NOS3: variants seen among roughly 807,000 people sequenced by gnomAD.
NOS3 encodes nitric oxide synthase 3.
Under a neutral mutation model 144.9 loss-of-function variants are expected in NOS3, and 98 were observed. The observed-to-expected ratio is 0.68, with a 90% CI of 0.57 to 0.80. The LOEUF (loss-of-function observed/expected upper bound fraction) is 0.80, where lower values mean the gene tolerates loss of function less well. Ranked by LOEUF, NOS3 falls within the 30% of genes least tolerant of loss-of-function variation. NOS3 has a pLI of 0.00. For synonymous variants in NOS3, 714 were observed against 702.4 expected (o/e 1.02, Z -0.26); for missense variants, 1,465 against 1,656.4 (o/e 0.88, Z 2.01).
Position 151,009,020 on chromosome 7 carries a change from TA to T in NOS3, c.2204del (p.Tyr735SerfsTer3). ...CAAACGGAGCTGGAAGCGCCAGAGG[TA>T]CCGGCTGAGCGCCCAGGCCGAGGGC... is the stretch of plus-strand genomic sequence containing the variant. The part of the protein sequence containing the change: ...SPKRSWKRQR[Y>X]RLSAQAEGLQ... On this transcript the variant is annotated frameshift_variant, in exon 18 of 27. Coordinates refer to ENST00000297494, the MANE Select transcript of NOS3 (RefSeq NM_000603.5). LOFTEE classifies it high-confidence loss of function. 4 of 1,612,006 alleles carry T rather than the reference TA, an allele frequency of 2.5e-6. No homozygotes were observed. Among genetic ancestry groups the T allele is most frequent in the Non-Finnish European group, 3.4e-6 (4 of 1,179,466 alleles).
chr7:151,003,520 A>T lies in NOS3; in HGVS notation c.1752+1216A>T, dbSNP rs987150409. The T allele has an allele frequency of 7.9e-7, 1 of 1,262,996 alleles. No individual in the cohort carries two copies. Among genetic ancestry groups the T allele is most frequent in the Admixed American group, 2.6e-5 (1 of 38,134 alleles). The allele number at this position is 1,262,996 out of a possible 1,614,324, so 78.2% of individuals were successfully genotyped here. A position where few individuals can be genotyped will look rare whatever the true frequency, so the allele number is the denominator to read the frequency against. On this transcript the variant is annotated intron_variant, in intron 14 of 26. Coordinates refer to ENST00000297494, the MANE Select transcript of NOS3 (RefSeq NM_000603.5). The surrounding 1 kb of genome is among the most constrained non-coding windows in gnomAD (Gnocchi z 4.1). ...ATTCTGACCTACCTTTTCAAGAAAA[A>T]TAGCACCAGCAATTGACTTTTTTTT...
chr7:151,001,098 G>A lies in NOS3; in HGVS notation c.1234-133G>A, dbSNP rs971563426. The A allele has an allele frequency of 3.6e-6, 3 of 837,920 alleles. No homozygotes were observed. In the African/African-American group the frequency reaches 5.0e-5, roughly 14 times the overall value. The allele number at this position is 837,920 out of a possible 1,614,324, so 51.9% of individuals were successfully genotyped here. On this transcript the variant is annotated intron_variant, in intron 10 of 26. Coordinates refer to ENST00000297494, the MANE Select transcript of NOS3 (RefSeq NM_000603.5). ...TGGGGTGAGGGTGACATTGTGGTTT[G>A]AGGGGACACAGGGTGTGTTAGATAT...
Position 151,002,738 on chromosome 7 carries a change from C to T in NOS3, c.1752+434C>T. 1 of 205,490 alleles carries T rather than the reference C, an allele frequency of 4.9e-6. No homozygotes were observed. Among genetic ancestry groups the T allele is most frequent in the Non-Finnish European group, 1.0e-5 (1 of 99,900 alleles). The allele number at this position is 205,490 out of a possible 1,614,324, so 12.7% of individuals were successfully genotyped here. On this transcript the variant is annotated intron_variant, in intron 14 of 26. Transcript: ENST00000297494. The surrounding 1 kb of genome is among the most constrained non-coding windows in gnomAD (Gnocchi z 4.1). ...GTTTCTTAATGGGATACTGGTTACA[C>T]AGGTGTGTTCAGTTTGTAAAAATCC...
chr7:151,011,820 GGA>G (rs1163803689), intron 23 of NOS3: 2 of 442,648 alleles, frequency 4.5e-6, no homozygotes, highest in African/African-American at 4.1e-5. Context: ...CACCGCGCCC[GGA>G]CCGAGGGTGA....
chr7:150,996,569 C>A lies in NOS3; in HGVS notation c.419+17C>A. The A allele has an allele frequency of 6.3e-7, 1 of 1,580,726 alleles. No homozygotes were observed. Among genetic ancestry groups the A allele is most frequent in the Non-Finnish European group, 8.6e-7 (1 of 1,162,906 alleles). Reference sequence around the variant, plus strand: ...CATTAAGAGGTGACAGCTTCCCGGACGCCACAGCCTCCCTTGTCCCACTGA... The same window carrying A: ...CATTAAGAGGTGACAGCTTCCCGGAAGCCACAGCCTCCCTTGTCCCACTGA... On this transcript the variant is annotated intron_variant, in intron 4 of 26. Coordinates refer to ENST00000297494, the MANE Select transcript of NOS3 (RefSeq NM_000603.5).
chr7:151,008,706 C>T (rs1356639866), intron 17 of NOS3, among the ~76,000 whole-genome samples: 2 of 152,188 alleles, frequency 1.3e-5, no homozygotes, highest in Non-Finnish European at 2.9e-5. Context: ...AGATAAGGAA[C>T]GATGCACCAA....
At position 151,013,791 on chromosome 7, in the gene NOS3, G is replaced by A. The variant is rs1414087067; in HGVS notation, c.3323G>A (p.Arg1108Gln). The change falls in exon 26 of 27, where the codon CGG becomes CAG. Residue 1108 changes from arginine (R) to glutamine (Q), a missense_variant. Physicochemically the swap from Arg to Gln is conservative, Grantham distance 43. Coordinates refer to ENST00000297494, the MANE Select transcript of NOS3 (RefSeq NM_000603.5). Reference protein sequence around the residue: ...AEVHRVLCLERGHMFVCGDVT... With the variant: ...AEVHRVLCLEQGHMFVCGDVT... Reference sequence around the variant, plus strand: ...GTGCACCGCGTGCTGTGCCTCGAGCGGGGCCACATGTTTGTCTGCGGCGAT... The same window carrying A: ...GTGCACCGCGTGCTGTGCCTCGAGCAGGGCCACATGTTTGTCTGCGGCGAT... 6.2e-7 allele frequency: 1 copy of A among 1,611,162 alleles called. No homozygotes were observed. Among genetic ancestry groups the A allele is most frequent in the Non-Finnish European group, 8.5e-7 (1 of 1,179,218 alleles).
chr7:151,006,029 ATAC>A (rs1461482731), intron 14 of NOS3, among the ~76,000 whole-genome samples: 1 of 152,238 alleles, frequency 6.6e-6, no homozygotes, highest in Non-Finnish European at 1.5e-5. Context: ...TCTAAAAACA[ATAC>A]TACTACTTAC....
intron 2 of NOS3, among the ~76,000 whole-genome samples, chr7:150,994,530 C>T (rs1437064734): frequency 2.6e-5 from 4 of 152,248 alleles, no homozygotes; most frequent in South Asian, 2.1e-4. Flanking sequence ...GGCTGTCACC[C>T]GAAAACTGGA....
chr7:151,009,385 T>TC lies in NOS3; in HGVS notation c.2325-9dup, dbSNP rs527595098. 670 of 893,688 alleles carry TC rather than the reference T, an allele frequency of 7.5e-4. 3 individuals are homozygous for TC. The African/African-American group carries it at 0.017, about 23-fold the overall frequency. 55.4% of individuals were successfully genotyped at this position (893,688 alleles called of 1,614,324 possible). On this transcript the variant is annotated splice_polypyrimidine_tract_variant and intron_variant, in intron 19 of 26. Coordinates refer to ENST00000297494, the MANE Select transcript of NOS3 (RefSeq NM_000603.5). ...CTCTGACTCCCCATAAGTGCCCCTC[T>TC]CCCCACCCCCAGGAGGGCCACCATC... is the stretch of plus-strand genomic sequence containing the variant.
chr7:151,010,477 T>G, intron 21 of NOS3, 120 bp from the exon 22 acceptor site: 1 of 1,167,668 alleles, frequency 8.6e-7, no homozygotes, highest in Non-Finnish European at 1.2e-6. Flanking sequence ...TAGAGAAAAC[T>G]CTATTGGCCT....
chr7:150,992,659 A>G (rs986966563), intron 1 of NOS3, among the ~76,000 whole-genome samples: 1 of 143,922 alleles, frequency 6.9e-6, no homozygotes, highest in African/African-American at 2.6e-5. Context: ...ACTGCTTTTC[A>G]GAGGAGTCTG....
In NOS3 at chr7:151,010,630, C is replaced by T. The variant is rs150546625; in HGVS notation, c.2719C>T (p.Arg907Cys). 1.2e-5 allele frequency: 20 copies of T among 1,602,008 alleles called. No individual in the cohort carries two copies. The highest frequency in any genetic ancestry group is 6.8e-5 in the East Asian group (3 of 44,252). The change falls in exon 22 of 27, where the codon CGC (arginine) becomes TGC (cysteine). Residue 907 changes from arginine to cysteine, a missense_variant. Arg to Cys is a radical substitution (Grantham distance 180, BLOSUM62 -3). This residue lies in a region of NOS3 where 745 missense variants were observed against 853.9 expected (regional missense o/e 0.87). Transcript: ENST00000297494. ...ACGCTACGAGGAGTGGAAGTGGTTC[C>T]GCTGCCCCACGCTGCTGGAGGTGCT... ...PRRYEEWKWF[R>C]CPTLLEVLEQ...
intron 9 of NOS3, among the ~76,000 whole-genome samples, chr7:150,999,732 A>T (rs1250261181): frequency 2.9e-5 from 3 of 103,976 alleles, no homozygotes; most frequent in Admixed American, 1.1e-4. Flanking sequence ...TGACTGTGAG[A>T]CTGTGGGTTT....
intron 15 of NOS3, 81 bp downstream of exon 15, chr7:151,006,575 T>G: frequency 8.2e-7 from 1 of 1,215,266 alleles, no homozygotes; most frequent in Non-Finnish European, 1.2e-6. Flanking sequence ...TGAAAAGCTC[T>G]CCCTCTGTGC....
At chr7:150,992,522 C>A (rs987994658) in intron 1 of NOS3, among the ~76,000 whole-genome samples, 1 of 152,148 alleles carries the variant, frequency 6.6e-6, no homozygotes, top group African/African-American at 2.4e-5. Flanking sequence ...GCTTATGAGG[C>A]CCCTTCACCC....
chr7:151,007,389 C>A, intron 17 of NOS3, 113 bp downstream of exon 17: 2 of 1,182,056 alleles, frequency 1.7e-6, no homozygotes, highest in South Asian at 1.6e-5. Flanking sequence ...CTTCCAAAAT[C>A]CACCCTCATC....
chr7:150,999,318 T>C lies in NOS3; in HGVS notation c.1085T>C (p.Ile362Thr), dbSNP rs1338548317. The change falls in exon 9 of 27, where the codon ATC (isoleucine) becomes ACC (threonine). Residue 362 changes from isoleucine (I) to threonine (T), a missense_variant. Coordinates refer to ENST00000297494, the MANE Select transcript of NOS3 (RefSeq NM_000603.5). ...PFSGWYMSTE[I>T]GTRNLCDPHR... is the part of the protein sequence containing the mutation. ...AGTGGCTGGTACATGAGCACTGAGA[T>C]CGGCACGAGGAACCTGTGTGACCCT... The C allele has an allele frequency of 1.9e-6, 3 of 1,607,246 alleles. No individual in the cohort carries two copies. The highest frequency in any genetic ancestry group is 1.3e-5 in the African/African-American group (1 of 74,768).
In NOS3 at chr7:151,003,195, G is replaced by A. The variant is rs780245632; in HGVS notation, c.1752+891G>A. ...GGCTGGAGTGCAGTAGTACAATCACGGCTCACTGCAGCCTCAACCTCCTAG... is the reference window on the plus strand; with the variant it reads ...GGCTGGAGTGCAGTAGTACAATCACAGCTCACTGCAGCCTCAACCTCCTAG... On this transcript the variant is annotated intron_variant, in intron 14 of 26. Transcript: ENST00000297494. This position sits in a 1 kb window ranked among gnomAD's most constrained non-coding sequence, Gnocchi z 4.1. 9.7e-5 allele frequency: 44 copies of A among 453,110 alleles called. No individual in the cohort carries two copies. The highest frequency in any genetic ancestry group is 4.0e-4 in the African/African-American group (20 of 50,040). The allele number at this position is 453,110 out of a possible 1,614,324, so 28.1% of individuals were successfully genotyped here.
Sources: allele counts gnomAD v4.1 joint callset (sites outside exome capture counted in the v4.1 genomes callset), GRCh38; gene constraint gnomAD v4.1.1; regional missense constraint gnomAD v4.1.1; non-coding constraint Gnocchi (gnomAD v3.1); transcripts MANE v1.5; gene names NCBI Gene and HGNC (gene_info 2026-07-23, HGNC 2026-07-21).